Variants in PACS1 observed in about 807,000 individuals in gnomAD.
PACS1 encodes the protein PACS-1.
PACS1 carries 24 observed loss-of-function variants against 115.0 expected under a neutral mutation model. That is an observed-to-expected ratio of 0.21 (90% CI 0.15 to 0.29). PACS1 has a LOEUF of 0.29. PACS1 is among the 10% of genes least tolerant of loss of function. The pLI is 1.00. For missense variants in PACS1, 838 were observed against 1,251.2 expected, an observed-to-expected ratio of 0.67 and a Z score of 4.98; for synonymous variants, 453 against 504.5, an observed-to-expected ratio of 0.90 and a Z score of 1.37.
intron 2 of PACS1, among the ~76,000 whole-genome samples, chr11:66,194,123 C>G (rs965133443): frequency 6.6e-6 from 1 of 152,088 alleles, no homozygotes; most frequent in Non-Finnish European, 1.5e-5. Flanking sequence ...GCCACCACGC[C>G]CGGCTAATTT....
At chr11:66,223,393 C>A (rs1855400913) in intron 10 of PACS1, among the ~76,000 whole-genome samples, 1 of 42,924 alleles carries the variant, frequency 2.3e-5, no homozygotes, top group African/African-American at 7.5e-5. Context: ...TGTGCCCGGC[C>A]TATTTTTTTT....
intron 1 of PACS1, among the ~76,000 whole-genome samples, chr11:66,178,703 A>G (rs1590800057): frequency 2.0e-5 from 3 of 152,322 alleles, no homozygotes; most frequent in Admixed American, 2.0e-4. Flanking sequence ...GTGTGGCATT[A>G]TTTTATATTT....
At chr11:66,072,726 A>G (rs1857330113) in intron 1 of PACS1, among the ~76,000 whole-genome samples, 1 of 152,186 alleles carries the variant, frequency 6.6e-6, no homozygotes, top group South Asian at 2.1e-4. Context: ...TTTCACACAT[A>G]GAAACACTGT....
At chr11:66,231,847 A>G (rs765077937) in intron 13 of PACS1, 34 of 272,758 alleles carry the variant, frequency 1.2e-4, no homozygotes, top group Non-Finnish European at 2.0e-4. Flanking sequence ...CCTGGTTCTT[A>G]CGCTGCTGCC....
chr11:66,128,774 C>T (rs1858635489), intron 1 of PACS1, among the ~76,000 whole-genome samples: 1 of 151,626 alleles, frequency 6.6e-6, no homozygotes, highest in Admixed American at 6.6e-5. Context: ...ATCTCAGCTA[C>T]TTAAGAGGCT....
At position 66,241,625 on chromosome 11, in the gene PACS1, T is replaced by C. The variant is rs767222489; in HGVS notation, c.2628T>C (p.Thr876=). ...EAQLSGTMAM[T]VVTKEKNKKV... ...AGCTTTCTGGCACCATGGCCATGAC[T>C]GTGGTCACCAAAGAAAAGAACAAGA... Residue 876 remains threonine, a synonymous_variant, in exon 22 of 24, where the codon ACT becomes ACC. Coordinates refer to ENST00000320580, the MANE Select transcript of PACS1 (RefSeq NM_018026.4). 5 of 1,613,976 alleles carry C rather than the reference T, an allele frequency of 3.1e-6. No individual in the cohort carries two copies. The East Asian group carries it at 6.7e-5, about 22-fold the overall frequency.
At chr11:66,092,348 C>A (rs199979516) in intron 1 of PACS1, among the ~76,000 whole-genome samples, 3 of 152,006 alleles carry the variant, frequency 2.0e-5, no homozygotes, top group South Asian at 4.1e-4. Flanking sequence ...TCATGTCCTT[C>A]GCCCACTTTT....
At position 66,187,719 on chromosome 11, in the gene PACS1, C is replaced by T. The variant is rs1854416324; in HGVS notation, c.357-5767C>T. 2.0e-5 allele frequency among the ~76,000 whole-genome samples: 3 copies of T among 152,302 alleles called. No individual in the cohort carries two copies. In the South Asian group the frequency reaches 6.2e-4, roughly 32 times the overall value. On this transcript the variant is annotated intron_variant, in intron 1 of 23. Coordinates refer to ENST00000320580, the MANE Select transcript of PACS1 (RefSeq NM_018026.4). ...TATCTGTTCCTCTGTTGTCGGACCC[C>T]TAGGTTGATTCCTTCTCTTGGCTAT... is the stretch of plus-strand genomic sequence containing the variant.
At chr11:66,120,819 C>T (rs1346691929) in intron 1 of PACS1, among the ~76,000 whole-genome samples, 2 of 152,192 alleles carry the variant, frequency 1.3e-5, no homozygotes. Flanking sequence ...ACATACCTAT[C>T]CTCTGTCTGC....
intron 1 of PACS1, among the ~76,000 whole-genome samples, chr11:66,121,478 A>T (rs907001607): frequency 6.6e-6 from 1 of 152,224 alleles, no homozygotes; most frequent in South Asian, 2.1e-4. Flanking sequence ...AGGAAGGAAT[A>T]TTGAAAGCCA....
intron 4 of PACS1, among the ~76,000 whole-genome samples, 165 bp from the exon 5 acceptor site, chr11:66,215,950 TAAAC>T (rs1351762292): frequency 2.5e-4 from 34 of 134,452 alleles, no homozygotes; most frequent in Admixed American, 2.2e-3. Flanking sequence ...ATAATAATAA[TAAAC>T]AAAGTAAGAC....
chr11:66,208,336 GGGA>G (rs1245602723), intron 2 of PACS1, among the ~76,000 whole-genome samples: 1 of 152,162 alleles, frequency 6.6e-6, no homozygotes, highest in Non-Finnish European at 1.5e-5. Flanking sequence ...ATTATAAACA[GGGA>G]TGAGTGTGGG....
At chr11:66,162,777 T>C (rs774226259) in intron 1 of PACS1, among the ~76,000 whole-genome samples, 3 of 152,238 alleles carry the variant, frequency 2.0e-5, no homozygotes, top group South Asian at 2.1e-4. Context: ...TATGCAAAAA[T>C]ATATTTGCTA....
chr11:66,164,590 TATATA>T (rs1859557903), intron 1 of PACS1, among the ~76,000 whole-genome samples: 1 of 145,300 alleles, frequency 6.9e-6, no homozygotes, highest in South Asian at 2.1e-4. Context: ...ATATATGTAT[TATATA>T]ATATATAATA....
intron 10 of PACS1, among the ~76,000 whole-genome samples, chr11:66,222,493 C>T (rs1390238054): frequency 6.6e-6 from 1 of 152,138 alleles, no homozygotes; most frequent in Non-Finnish European, 1.5e-5. Flanking sequence ...GAAGTGACCT[C>T]AGGCCCTAGG....
At chr11:66,156,207 TATATATATATATATA>T (rs1565127299) in intron 1 of PACS1, among the ~76,000 whole-genome samples, 54 of 2,112 alleles carry the variant, frequency 0.026, no homozygotes, top group African/African-American at 0.069. Flanking sequence ...TTTTAAATTA[TATATATATATATATA>T]TATATATATA....
intron 1 of PACS1, among the ~76,000 whole-genome samples, chr11:66,169,693 G>A (rs1013267911): frequency 4.0e-5 from 6 of 149,272 alleles, no homozygotes; most frequent in Admixed American, 2.6e-4. Context: ...GGGATTACAG[G>A]TGTGAGTCAC....
At chr11:66,084,743 A>G (rs939323707) in intron 1 of PACS1, among the ~76,000 whole-genome samples, 5 of 152,170 alleles carry the variant, frequency 3.3e-5, no homozygotes, top group Non-Finnish European at 7.3e-5. Context: ...GTTTTCTTTA[A>G]AAATAATTAT....
At chr11:66,164,278 G>A (rs1462877002) in intron 1 of PACS1, among the ~76,000 whole-genome samples, 4 of 151,882 alleles carry the variant, frequency 2.6e-5, no homozygotes, top group South Asian at 4.2e-4. Flanking sequence ...CTCAAGTCTC[G>A]TTACAGAGGA....
Sources: allele counts gnomAD v4.1 joint callset (sites outside exome capture counted in the v4.1 genomes callset), GRCh38; gene constraint gnomAD v4.1.1; transcripts MANE v1.5; gene names NCBI Gene and HGNC (gene_info 2026-07-23, HGNC 2026-07-21).